The following IBSP variants were observed in gnomAD, a reference collection of about 807,000 sequenced individuals.
IBSP encodes integrin-binding sialoprotein.
IBSP carries 19 observed loss-of-function variants against 25.5 expected under a neutral mutation model. That is an observed-to-expected ratio of 0.74 (90% confidence interval 0.52 to 1.09). The LOEUF (loss-of-function observed/expected upper bound fraction) is 1.09, where lower values mean the gene tolerates loss of function less well. Among genes scored for constraint, IBSP ranks in the 50% least tolerant of loss-of-function variants. The pLI, the probability that IBSP is intolerant of heterozygous loss-of-function variation, is 0.00. For synonymous variants in IBSP, 144 were observed against 137.6 expected, an observed-to-expected ratio of 1.05 and a Z score of -0.33; for missense variants, 360 against 382.3, an observed-to-expected ratio of 0.94 and a Z score of 0.49.
chr4:87,801,268 CA>C (rs1218364602), intron 1 of IBSP, among the ~76,000 whole-genome samples: 1 of 152,026 alleles, frequency 6.6e-6, no homozygotes, highest in Non-Finnish European at 1.5e-5. Flanking sequence ...AGTACAGTCT[CA>C]TACACTAGCA....
At chr4:87,810,524 C>A in intron 5 of IBSP, 82 bp from the exon 6 acceptor site, 1 of 1,125,450 alleles carries the variant, frequency 8.9e-7, no homozygotes, top group Non-Finnish European at 1.3e-6. Flanking sequence ...AATAAACCTT[C>A]AATAAATGAT....
chr4:87,810,732 A>G lies in IBSP; in HGVS notation c.373A>G (p.Thr125Ala), dbSNP rs1340036371. The G allele has an allele frequency of 6.2e-7, 1 of 1,613,852 alleles. No individual in the cohort carries two copies. The highest frequency in any genetic ancestry group is 8.5e-7 in the Non-Finnish European group (1 of 1,179,872). ...GEDATPGTGY[T>A]GLAAIQLPKK... ...GGACGCCACGCCTGGCACAGGGTAT[A>G]CAGGGTTAGCTGCAATCCAGCTTCC... Residue 125 changes from threonine to alanine, a missense_variant, in exon 6 of 7, where the codon ACA becomes GCA. Coordinates refer to ENST00000226284, the MANE Select transcript of IBSP (RefSeq NM_004967.4).
chr4:87,811,101 G>T (rs939669167), intron 6 of IBSP, among the ~76,000 whole-genome samples: 1 of 152,110 alleles, frequency 6.6e-6, no homozygotes, highest in African/African-American at 2.4e-5. Flanking sequence ...GACAGAGAAA[G>T]TGAGTAGCAA....
At chr4:87,799,753 A>T (rs1261114019) in intron 1 of IBSP, 120 bp downstream of exon 1, 1 of 152,194 alleles carries the variant, frequency 6.6e-6, no homozygotes, top group African/African-American at 2.4e-5. Flanking sequence ...TGGTTTAATA[A>T]TTATTTATCA....
At position 87,810,729 on chromosome 4, in the gene IBSP, T is replaced by TGC. The variant is rs1446274255; in HGVS notation, c.370_371insGC (p.Tyr124CysfsTer5). 6.2e-7 allele frequency: 1 copy of TGC among 1,613,642 alleles called. No individual in the cohort carries two copies. The highest frequency in any genetic ancestry group is 1.7e-5 in the Admixed American group (1 of 59,938). ...AGAGGACGCCACGCCTGGCACAGGG[T>TGC]ATACAGGGTTAGCTGCAATCCAGCT... On this transcript the variant is annotated frameshift_variant, in exon 6 of 7. Coordinates refer to ENST00000226284, the MANE Select transcript of IBSP (RefSeq NM_004967.4). LOFTEE classifies it low-confidence loss of function (END_TRUNC).
Position 87,811,710 on chromosome 4 carries a change from G to A in IBSP, c.754G>A (p.Gly252Arg). Residue 252 changes from glycine (G) to arginine (R), a missense_variant, in exon 7 of 7, where the codon GGG becomes AGG. Coordinates refer to ENST00000226284, the MANE Select transcript of IBSP (RefSeq NM_004967.4). ...QVYRTTSPPF[G>R]KTTTVEYEGE... ...CTATAGAACCACTTCCCCACCTTTT[G>A]GGAAAACCACCACCGTTGAATACGA... is the stretch of plus-strand genomic sequence containing the variant. 6.2e-7 allele frequency: 1 copy of A among 1,614,030 alleles called. No individual in the cohort carries two copies. The highest frequency in any genetic ancestry group is 8.5e-7 in the Non-Finnish European group (1 of 1,179,994).
chr4:87,802,417 T>C lies in IBSP; in HGVS notation c.54+2T>C. 1 of 1,608,100 alleles carries C rather than the reference T, an allele frequency of 6.2e-7. No individual in the cohort carries two copies. Among genetic ancestry groups the C allele is most frequent in the Non-Finnish European group, 8.5e-7 (1 of 1,177,848 alleles). On this transcript the variant is annotated splice_donor_variant, in intron 2 of 6. Transcript: ENST00000226284. LOFTEE classifies it high-confidence loss of function. Reference sequence around the variant, plus strand: ...TTGGGAATGGCCTGTGCTTTCTCAGTAAGTTCTTTATCAAAACCCACAGTT... The same window carrying C: ...TTGGGAATGGCCTGTGCTTTCTCAGCAAGTTCTTTATCAAAACCCACAGTT...
chr4:87,804,866 C>T (rs530534579), intron 4 of IBSP, among the ~76,000 whole-genome samples: 3 of 152,132 alleles, frequency 2.0e-5, no homozygotes, highest in African/African-American at 4.8e-5. Context: ...ATTGAAATAC[C>T]CCCACTGAGA....
At chr4:87,799,810 T>TA (rs1344977527) in intron 1 of IBSP, among the ~76,000 whole-genome samples, 177 bp downstream of exon 1, 3 of 152,212 alleles carry the variant, frequency 2.0e-5, no homozygotes, top group Non-Finnish European at 2.9e-5. Flanking sequence ...AGGCTAAACT[T>TA]ATTAACCTAA....
intron 5 of IBSP, among the ~76,000 whole-genome samples, 153 bp from the exon 6 acceptor site, chr4:87,810,453 G>T (rs1313596808): frequency 2.6e-5 from 4 of 152,176 alleles, no homozygotes; most frequent in Non-Finnish European, 5.9e-5. Flanking sequence ...AGTGCAAATG[G>T]CATAGGGGAA....
chr4:87,808,008 A>G (rs1225022294), intron 5 of IBSP, among the ~76,000 whole-genome samples: 2 of 152,322 alleles, frequency 1.3e-5, no homozygotes, highest in East Asian at 3.9e-4. Flanking sequence ...TTTCATCCTG[A>G]AGAGATTCTG....
chr4:87,804,619 G>A (rs1722066127), intron 4 of IBSP, among the ~76,000 whole-genome samples: 1 of 152,156 alleles, frequency 6.6e-6, no homozygotes, highest in Non-Finnish European at 1.5e-5. Context: ...TGGGTTTTCA[G>A]AATTGTCTTC....
intron 5 of IBSP, among the ~76,000 whole-genome samples, chr4:87,809,968 A>T (rs1015543155): frequency 2.0e-5 from 3 of 152,260 alleles, no homozygotes; most frequent in African/African-American, 7.2e-5. Context: ...GCGGTGGCTC[A>T]TGCCTGTAAT....
intron 5 of IBSP, among the ~76,000 whole-genome samples, chr4:87,809,575 G>A (rs1482226120): frequency 6.6e-6 from 1 of 152,188 alleles, no homozygotes; most frequent in Non-Finnish European, 1.5e-5. Context: ...ACTGTTTGGG[G>A]TATACTCTGG....
Position 87,812,015 on chromosome 4 carries a change from G to A in IBSP, c.*105G>A. On this transcript the variant is annotated 3_prime_UTR_variant, in exon 7 of 7. Coordinates refer to ENST00000226284, the MANE Select transcript of IBSP (RefSeq NM_004967.4). ...ATATAACAAATGTGCATATTATAAT[G>A]AGGAATGGTACTACCGTTCCAGATT... The A allele has an allele frequency of 3.4e-6, 3 of 877,002 alleles. No individual in the cohort carries two copies. The highest frequency in any genetic ancestry group is 2.4e-4 in the Middle Eastern group (1 of 4,114). 54.3% of individuals were successfully genotyped at this position (877,002 alleles called of 1,614,324 possible).
rs774512972 is a variant in IBSP at position 87,811,739 on chromosome 4, G to C, written c.783G>C (p.Gly261=). 17 of 1,614,028 alleles carry C rather than the reference G, an allele frequency of 1.1e-5. No individual in the cohort carries two copies. Among genetic ancestry groups the C allele is most frequent in the Non-Finnish European group, 1.4e-5 (16 of 1,179,994 alleles). Residue 261 remains glycine (G), a synonymous_variant, in exon 7 of 7, where the codon GGG becomes GGC. Coordinates refer to ENST00000226284, the MANE Select transcript of IBSP (RefSeq NM_004967.4). The part of the protein sequence containing the change: ...FGKTTTVEYE[G]EYEYTGANEY... The stretch of plus-strand genomic sequence containing the variant: ...AAACCACCACCGTTGAATACGAGGG[G>C]GAGTACGAATACACGGGCGCCAATG...
intron 5 of IBSP, among the ~76,000 whole-genome samples, chr4:87,807,145 A>G (rs750409175): frequency 3.3e-5 from 5 of 152,198 alleles, no homozygotes; most frequent in Non-Finnish European, 7.3e-5. Context: ...ATGTCTTGGA[A>G]ATTGTGCTAC....
At chr4:87,804,497 G>T (rs1320601803) in intron 4 of IBSP, among the ~76,000 whole-genome samples, 1 of 152,148 alleles carries the variant, frequency 6.6e-6, no homozygotes, top group African/African-American at 2.4e-5. Context: ...TCTTTATTGA[G>T]AAAATTGTCA....
chr4:87,810,591 G>A lies in IBSP; in HGVS notation c.247-15G>A. The A allele has an allele frequency of 6.3e-7, 1 of 1,576,166 alleles. No individual in the cohort carries two copies. The highest frequency in any genetic ancestry group is 8.7e-7 in the Non-Finnish European group (1 of 1,147,046). On this transcript the variant is annotated splice_polypyrimidine_tract_variant and intron_variant, in intron 5 of 6. Transcript: ENST00000226284. ...CAGGTAAAATAATTTTTCTTACTATGAATATTTTTAACAGGAGACTTCAAA... is the reference window on the plus strand; with the variant it reads ...CAGGTAAAATAATTTTTCTTACTATAAATATTTTTAACAGGAGACTTCAAA...
Sources: gnomAD v4.1 joint callset for allele counts (sites outside exome capture counted in the v4.1 genomes callset) on GRCh38, gnomAD v4.1.1 for gene constraint, MANE v1.5 for transcripts, NCBI Gene and HGNC (gene_info 2026-07-23, HGNC 2026-07-21) for gene names.